PHF24: variants seen among roughly 807,000 people sequenced by gnomAD.
The protein encoded by PHF24 is PHD finger protein 24, also known as Galpha inhibitory interacting protein.
PHF24 carries 25 observed loss-of-function variants against 42.6 expected under a neutral mutation model. The observed-to-expected ratio is 0.59, with a 90% confidence interval of 0.43 to 0.82. The LOEUF (loss-of-function observed/expected upper bound fraction) is 0.82. PHF24 is among the 40% of genes least tolerant of loss of function. The pLI is 0.00. For synonymous variants in PHF24, 185 were observed against 204.8 expected (o/e 0.90, Z 0.83); for missense variants, 470 against 538.1 (o/e 0.87, Z 1.25).
chr9:34,703,131 G>A, the PHF24 span, among the ~76,000 whole-genome samples: 1 of 152,096 alleles, frequency 6.6e-6, no homozygotes, highest in Non-Finnish European at 1.5e-5. Flanking sequence ...AGGTCATTTG[G>A]CATGGTAGAG....
chr9:34,948,870 A>C, the PHF24 span, among the ~76,000 whole-genome samples: 1 of 152,242 alleles, frequency 6.6e-6, no homozygotes, highest in Non-Finnish European at 1.5e-5. Context: ...TAGCATGGCA[A>C]CTCAAAGCTA....
the PHF24 span, chr9:34,689,523 G>T: frequency 2.7e-6 from 1 of 373,572 alleles, no homozygotes; most frequent in Non-Finnish European, 4.8e-6. This position sits in a 1 kb window ranked among gnomAD's most constrained non-coding sequence, Gnocchi z 4.1. Flanking sequence ...TAGTTAAGCA[G>T]TAGGAGTGGA....
chr9:34,727,751 A>G, the PHF24 span, among the ~76,000 whole-genome samples: 1 of 152,234 alleles, frequency 6.6e-6, no homozygotes, highest in Non-Finnish European at 1.5e-5. Flanking sequence ...GTGCAGCTCC[A>G]TGTAATATGT....
At chr9:34,777,401 G>A in the PHF24 span, among the ~76,000 whole-genome samples, 1 of 152,144 alleles carries the variant, frequency 6.6e-6, no homozygotes, top group East Asian at 1.9e-4. Flanking sequence ...TGGGAGGAAT[G>A]TTCAGATGCC....
the PHF24 span, among the ~76,000 whole-genome samples, chr9:34,884,048 A>C: frequency 6.6e-6 from 1 of 152,350 alleles, no homozygotes; most frequent in Non-Finnish European, 1.5e-5. Context: ...AAAAAGGGTG[A>C]GTTCATGTTC....
At chr9:34,939,399 CA>C in the PHF24 span, among the ~76,000 whole-genome samples, 52 of 152,036 alleles carry the variant, frequency 3.4e-4, 1 homozygote, top group African/African-American at 1.1e-3. Context: ...GAAATGCCTG[CA>C]AAAGGTAATT....
chr9:34,971,057 C>T (rs1396794101), intron 1 of PHF24, among the ~76,000 whole-genome samples: 1 of 151,758 alleles, frequency 6.6e-6, no homozygotes, highest in Non-Finnish European at 1.5e-5. Context: ...TCAAGAAGAG[C>T]CTGGGCAACA....
chr9:34,794,344 T>G, the PHF24 span, among the ~76,000 whole-genome samples: 6 of 152,174 alleles, frequency 3.9e-5, no homozygotes, highest in Non-Finnish European at 8.8e-5. Context: ...CTGCTAAAAT[T>G]AAAACATTAA....
the PHF24 span, among the ~76,000 whole-genome samples, chr9:34,683,129 C>T: frequency 1.3e-5 from 2 of 151,788 alleles, no homozygotes; most frequent in South Asian, 4.2e-4. Flanking sequence ...GGCACAATCT[C>T]AGCTCACTGC....
chr9:34,876,612 A>T, the PHF24 span, among the ~76,000 whole-genome samples: 4 of 152,230 alleles, frequency 2.6e-5, no homozygotes, highest in African/African-American at 9.6e-5. Context: ...CATTAGAGAA[A>T]TGCAAATCAA....
the PHF24 span, among the ~76,000 whole-genome samples, chr9:34,769,175 G>A: frequency 6.6e-6 from 1 of 152,154 alleles, no homozygotes; most frequent in African/African-American, 2.4e-5. Flanking sequence ...GGAGTGCAGT[G>A]GCGCAGTCTT....
At chr9:34,912,653 G>A in the PHF24 span, among the ~76,000 whole-genome samples, 1 of 152,294 alleles carries the variant, frequency 6.6e-6, no homozygotes, top group East Asian at 1.9e-4. Flanking sequence ...GAAAACTGAA[G>A]TCTTTGGAAC....
chr9:34,712,058 A>G, the PHF24 span, among the ~76,000 whole-genome samples: 1 of 150,908 alleles, frequency 6.6e-6, no homozygotes, highest in Non-Finnish European at 1.5e-5. Context: ...TTTCTCCTTA[A>G]TTCTTGCAGC....
chr9:34,675,791 G>A, the PHF24 span, among the ~76,000 whole-genome samples: 1 of 152,264 alleles, frequency 6.6e-6, no homozygotes, highest in South Asian at 2.1e-4. Flanking sequence ...GCCCCTGGAT[G>A]TAAAGCTGAG....
the PHF24 span, among the ~76,000 whole-genome samples, chr9:34,849,134 G>A: frequency 1.3e-5 from 2 of 152,156 alleles, no homozygotes; most frequent in African/African-American, 4.8e-5. Context: ...GTGCAGAGCT[G>A]AGTTCAATTC....
chr9:34,928,216 CAAAAAAA>C, the PHF24 span, among the ~76,000 whole-genome samples: 1 of 109,268 alleles, frequency 9.2e-6, no homozygotes, highest in Admixed American at 9.7e-5. Context: ...GACTCTGTCT[CAAAAAAA>C]AAAAAAAAAA....
the PHF24 span, among the ~76,000 whole-genome samples, chr9:34,693,250 C>T: frequency 6.6e-5 from 10 of 152,180 alleles, no homozygotes; most frequent in African/African-American, 2.4e-4. Context: ...TGCTCTGCTC[C>T]CTGGAAGGCT....
At chr9:34,875,985 C>CTCTCTCTCTCTCTCTCTCTCTA in the PHF24 span, among the ~76,000 whole-genome samples, 1 of 141,702 alleles carries the variant, frequency 7.1e-6, no homozygotes, top group African/African-American at 2.6e-5. Flanking sequence ...CTCTCTCTCT[C>CTCTCTCTCTCTCTCTCTCTCTA]TCACTCCTTC....
At chr9:34,886,203 C>G in the PHF24 span, among the ~76,000 whole-genome samples, 1 of 149,694 alleles carries the variant, frequency 6.7e-6, no homozygotes, top group African/African-American at 2.5e-5. Flanking sequence ...TCCCTCTTGA[C>G]TGGATCTTTT....
Sources: allele counts gnomAD v4.1 joint callset (sites outside exome capture counted in the v4.1 genomes callset), GRCh38; gene constraint gnomAD v4.1.1; non-coding constraint Gnocchi (gnomAD v3.1); transcripts MANE v1.5; gene names NCBI Gene and HGNC (gene_info 2026-07-23, HGNC 2026-07-21).